The following RPTOR variants were observed in gnomAD, a reference collection of about 807,000 sequenced individuals.
RPTOR encodes the protein regulatory-associated protein of mTOR.
A neutral mutation model predicts 169.9 loss-of-function variants in RPTOR; 21 were observed. That is an observed-to-expected ratio of 0.12 (90% confidence interval 0.09 to 0.18). RPTOR has a LOEUF of 0.18. Among genes scored for constraint, RPTOR ranks in the 10% least tolerant of loss-of-function variants. The pLI, the probability that RPTOR is intolerant of heterozygous loss-of-function variation, is 1.00. For missense variants in RPTOR, 1,133 were observed against 1,855.9 expected (o/e 0.61, Z 7.16); for synonymous variants, 732 against 753.2 (o/e 0.97, Z 0.46).
rs1258607241 is a variant in RPTOR, at chr17:80,633,531, G to T, written c.265+7738G>T. On this transcript the variant is annotated intron_variant, in intron 2 of 33. Coordinates refer to ENST00000306801, the MANE Select transcript of RPTOR (RefSeq NM_020761.3). This position sits in a 1 kb window ranked among gnomAD's most constrained non-coding sequence, Gnocchi z 4.1. ...AATGATTCCGTTTAGGTCATGCTTC[G>T]CTGGCAGGAGCATCACGCAGAGCTG... Among the ~76,000 whole-genome samples the T allele has an allele frequency of 6.6e-6, 1 of 152,160 alleles. No homozygotes were observed.
At chr17:80,713,094 G>T (rs577796984) in intron 4 of RPTOR, among the ~76,000 whole-genome samples, 1 of 152,154 alleles carries the variant, frequency 6.6e-6, no homozygotes, top group East Asian at 1.9e-4. Flanking sequence ...TTGAGATGGG[G>T]TTTCGCTCTT....
At chr17:80,753,314 A>C (rs1386636895) in intron 5 of RPTOR, among the ~76,000 whole-genome samples, 1 of 152,192 alleles carries the variant, frequency 6.6e-6, no homozygotes, top group Non-Finnish European at 1.5e-5. Context: ...CATTAAACAC[A>C]ACAAAATAAG....
intron 20 of RPTOR, 61 bp downstream of exon 20, chr17:80,893,926 G>A (rs1052444002): frequency 6.2e-6 from 9 of 1,457,032 alleles, no homozygotes; most frequent in Non-Finnish European, 8.2e-6. Flanking sequence ...CCCACACAGA[G>A]CAGCACAGAC....
rs55752459 is a variant in RPTOR at position 80,966,117 on chromosome 17, A to ACCCCCCCCCCCCCCCCC, written c.*1796_*1797insCCCCCCCCCCCCCCCCC. On this transcript the variant is annotated 3_prime_UTR_variant, in exon 34 of 34. Transcript: ENST00000306801. Reference sequence around the variant, plus strand: ...GGCAGGTGGCTCCAGAGGGGTCAAGACCCCCCCCCGCCCCCGCTCCACCCT... The same window carrying ACCCCCCCCCCCCCCCCC: ...GGCAGGTGGCTCCAGAGGGGTCAAGACCCCCCCCCCCCCCCCCCCCCCCCCCGCCCCCGCTCCACCCT... 1.8e-4 allele frequency: 33 copies of ACCCCCCCCCCCCCCCCC among 181,470 alleles called. No homozygotes were observed. Among genetic ancestry groups the ACCCCCCCCCCCCCCCCC allele is most frequent in the Non-Finnish European group, 2.2e-4 (21 of 96,570 alleles). 11.2% of individuals were successfully genotyped at this position (181,470 alleles called of 1,614,324 possible).
Position 80,880,495 on chromosome 17 carries a change from G to A in RPTOR, c.1584+6G>A, listed in dbSNP as rs753560497. The A allele has an allele frequency of 1.9e-6, 3 of 1,613,410 alleles. No homozygotes were observed. Among genetic ancestry groups the A allele is most frequent in the South Asian group, 2.2e-5 (2 of 91,070 alleles). On this transcript the variant is annotated splice_donor_region_variant and intron_variant, in intron 14 of 33. Transcript: ENST00000306801. ...TGGCGGACCCCTACATGCCAGTAAG[G>A]ACGGGGCAGCACGCTCTCCACGGGC...
chr17:80,672,369 T>C, intron 3 of RPTOR, among the ~76,000 whole-genome samples: 1 of 137,380 alleles, frequency 7.3e-6, no homozygotes, highest in South Asian at 2.2e-4. Flanking sequence ...AAAGGTTCTT[T>C]TTTTTTTTTT....
intron 20 of RPTOR, among the ~76,000 whole-genome samples, chr17:80,901,748 T>C (rs2068478313): frequency 6.6e-6 from 1 of 152,158 alleles, no homozygotes; most frequent in Admixed American, 6.5e-5. Flanking sequence ...TCCCCATCTT[T>C]CCTGGTGCCC....
At chr17:80,834,791 C>T (rs908466914) in intron 9 of RPTOR, among the ~76,000 whole-genome samples, 5 of 152,206 alleles carry the variant, frequency 3.3e-5, no homozygotes, top group Admixed American at 2.0e-4. Flanking sequence ...GTTCCAAAGG[C>T]GCCTTGCCCA....
At chr17:80,691,758 C>G (rs929576757) in intron 3 of RPTOR, among the ~76,000 whole-genome samples, 1 of 152,262 alleles carries the variant, frequency 6.6e-6, no homozygotes, top group Non-Finnish European at 1.5e-5. Context: ...AGAGCTTAAT[C>G]TGGGCTCCAG....
intron 6 of RPTOR, among the ~76,000 whole-genome samples, chr17:80,780,070 C>G (rs2066925546): frequency 6.6e-6 from 1 of 152,168 alleles, no homozygotes; most frequent in African/African-American, 2.4e-5. Flanking sequence ...GATTTCTGCT[C>G]AGTAGCCTTC....
chr17:80,726,420 G>A lies in RPTOR; in HGVS notation c.508-4140G>A, dbSNP rs938226093. Among the ~76,000 whole-genome samples, 2 of 152,198 alleles carry A rather than the reference G, an allele frequency of 1.3e-5. No homozygotes were observed. The highest frequency in any genetic ancestry group is 4.8e-5 in the African/African-American group (2 of 41,454). On this transcript the variant is annotated intron_variant, in intron 4 of 33. Coordinates refer to ENST00000306801, the MANE Select transcript of RPTOR (RefSeq NM_020761.3). The surrounding 1 kb of genome is among the most constrained non-coding windows in gnomAD (Gnocchi z 4.5). The stretch of plus-strand genomic sequence containing the variant: ...GAGAGACTGCCAGTGCTGTCCTAGT[G>A]CAGCAGTACCTCATGGTTATGACGG...
At chr17:80,710,286 G>A (rs535934113) in intron 4 of RPTOR, among the ~76,000 whole-genome samples, 7 of 152,080 alleles carry the variant, frequency 4.6e-5, no homozygotes, top group East Asian at 1.9e-4. Flanking sequence ...GAGCCACTGC[G>A]CCCCGCTCCC....
At chr17:80,768,641 T>G (rs149390560) in intron 6 of RPTOR, among the ~76,000 whole-genome samples, 1 of 152,270 alleles carries the variant, frequency 6.6e-6, no homozygotes, top group Non-Finnish European at 1.5e-5. Flanking sequence ...TCCTGCTTGA[T>G]GTCATCATCA....
At chr17:80,766,339 C>T (rs1404135985) in intron 6 of RPTOR, among the ~76,000 whole-genome samples, 1 of 152,226 alleles carries the variant, frequency 6.6e-6, no homozygotes, top group Non-Finnish European at 1.5e-5. Context: ...AAGCATGAGG[C>T]ACCATGTCTG....
chr17:80,552,136 C>G (rs2084353663), intron 1 of RPTOR, among the ~76,000 whole-genome samples: 1 of 152,194 alleles, frequency 6.6e-6, no homozygotes, highest in African/African-American at 2.4e-5. Context: ...TCTTTCTATA[C>G]AGACACAGTA....
chr17:80,920,637 C>G (rs1319979869), intron 21 of RPTOR, among the ~76,000 whole-genome samples: 1 of 152,224 alleles, frequency 6.6e-6, no homozygotes, highest in African/African-American at 2.4e-5. Context: ...TGCACAGACC[C>G]CAGGCGGCTC....
rs922758015 is a variant in RPTOR at position 80,820,867 on chromosome 17, C to G, written c.891-1334C>G. 1.3e-5 allele frequency among the ~76,000 whole-genome samples: 2 copies of G among 152,246 alleles called. No homozygotes were observed. Among genetic ancestry groups the G allele is most frequent in the South Asian group, 4.1e-4 (2 of 4,824 alleles). On this transcript the variant is annotated intron_variant, in intron 7 of 33. Transcript: ENST00000306801. The surrounding 1 kb of genome is among the most constrained non-coding windows in gnomAD (Gnocchi z 4.1). ...AAGGGGCTTCTCCGTCATCCCCGTC[C>G]TGGCCAGCAGCCTGACTAGAAAACC...
intron 3 of RPTOR, among the ~76,000 whole-genome samples, chr17:80,676,628 A>T (rs2065863100): frequency 6.6e-6 from 1 of 152,212 alleles, no homozygotes; most frequent in Non-Finnish European, 1.5e-5. Context: ...GGAATACTGC[A>T]TACAGTTGGA....
chr17:80,841,283 G>T (rs1425442846), intron 10 of RPTOR, among the ~76,000 whole-genome samples: 1 of 79,432 alleles, frequency 1.3e-5, no homozygotes, highest in Non-Finnish European at 2.4e-5. Flanking sequence ...CTCACCGCAC[G>T]GCAGCTCACT....
Sources: allele counts gnomAD v4.1 joint callset (sites outside exome capture counted in the v4.1 genomes callset), GRCh38; gene constraint gnomAD v4.1.1; non-coding constraint Gnocchi (gnomAD v3.1); transcripts MANE v1.5; gene names NCBI Gene and HGNC (gene_info 2026-07-23, HGNC 2026-07-21).